Variants in STK39 observed in about 807,000 individuals in gnomAD.
STK39 encodes serine/threonine kinase 39, also known as STE20/SPS1-related proline-alanine-rich protein kinase.
Under a neutral mutation model 77.8 loss-of-function variants are expected in STK39, and 20 were observed. The ratio of observed to expected loss-of-function variants is 0.26; its 90% CI spans 0.18 to 0.37. STK39 has a LOEUF of 0.37. Ranked by LOEUF, STK39 falls within the 10% of genes least tolerant of loss-of-function variation. The pLI is 1.00. For synonymous variants in STK39, 246 were observed against 234.1 expected, an observed-to-expected ratio of 1.05 and a Z score of -0.47; for missense variants, 479 against 656.5, an observed-to-expected ratio of 0.73 and a Z score of 2.95.
At chr2:168,231,723 G>C (rs144214191) in intron 1 of STK39, among the ~76,000 whole-genome samples, 29 of 152,278 alleles carry the variant, frequency 1.9e-4, no homozygotes, top group Non-Finnish European at 3.5e-4. Flanking sequence ...CAGTGTGCCA[G>C]AGTGCTCTGT....
At chr2:168,097,745 A>T (rs568744811) in intron 10 of STK39, among the ~76,000 whole-genome samples, 2 of 152,068 alleles carry the variant, frequency 1.3e-5, no homozygotes, top group Non-Finnish European at 2.9e-5. Context: ...AAAACAAAAA[A>T]AAAAAAAAGA....
At chr2:168,077,219 A>G (rs937469916) in intron 10 of STK39, among the ~76,000 whole-genome samples, 47 of 152,250 alleles carry the variant, frequency 3.1e-4, no homozygotes, top group African/African-American at 1.1e-3. Flanking sequence ...TTCTTTAAGT[A>G]CTCACCCAAG....
rs559877979 is a variant in STK39, at chr2:167,959,418, C to T, written c.1564-3848G>A. 6.1e-4 allele frequency among the ~76,000 whole-genome samples: 93 copies of T among 152,174 alleles called. No individual in the cohort carries two copies. In the South Asian group the frequency reaches 0.019, roughly 31 times the overall value. On this transcript the variant is annotated intron_variant, in intron 17 of 17. Transcript: ENST00000355999. The stretch of plus-strand genomic sequence containing the variant: ...GGGATTACTGGCGTGAGCCACCGCG[C>T]CCGGCCATCAGCTTTTTGTTTTTTT...
chr2:168,192,752 A>G (rs1689372316), intron 1 of STK39, among the ~76,000 whole-genome samples: 1 of 152,234 alleles, frequency 6.6e-6, no homozygotes, highest in Non-Finnish European at 1.5e-5. Context: ...TCTAGCACTG[A>G]AGTGTTTAAG....
At chr2:168,218,789 T>G (rs1052245254) in intron 1 of STK39, among the ~76,000 whole-genome samples, 1 of 152,086 alleles carries the variant, frequency 6.6e-6, no homozygotes, top group Admixed American at 6.5e-5. Context: ...AAGCCTCAAT[T>G]AAACACAGAG....
intron 14 of STK39, among the ~76,000 whole-genome samples, chr2:168,061,770 C>T (rs1051236617): frequency 6.6e-6 from 1 of 152,166 alleles, no homozygotes; most frequent in Non-Finnish European, 1.5e-5. Context: ...ACATTCCTTG[C>T]AAATATACAA....
chr2:168,053,467 G>C (rs997393725), intron 14 of STK39, among the ~76,000 whole-genome samples: 2 of 152,240 alleles, frequency 1.3e-5, no homozygotes, highest in East Asian at 1.9e-4. Context: ...TTATTTCTGG[G>C]TGGTGAGATT....
At chr2:168,205,804 C>A (rs999506193) in intron 1 of STK39, among the ~76,000 whole-genome samples, 2 of 151,924 alleles carry the variant, frequency 1.3e-5, no homozygotes, top group African/African-American at 2.4e-5. Flanking sequence ...GATGGCAAGA[C>A]CCTGTCTCAA....
At chr2:168,211,992 G>A (rs1050704989) in intron 1 of STK39, among the ~76,000 whole-genome samples, 4 of 152,144 alleles carry the variant, frequency 2.6e-5, no homozygotes, top group Admixed American at 6.5e-5. Flanking sequence ...ATCATTATTC[G>A]TTTTAGTTCC....
chr2:168,167,679 A>AC (rs1320152535), intron 2 of STK39, among the ~76,000 whole-genome samples: 2 of 151,978 alleles, frequency 1.3e-5, no homozygotes, highest in Non-Finnish European at 2.9e-5. Flanking sequence ...CACCCAGATG[A>AC]CCCCCCAACT....
At chr2:168,181,157 G>A (rs1267895571) in intron 2 of STK39, among the ~76,000 whole-genome samples, 1 of 152,244 alleles carries the variant, frequency 6.6e-6, no homozygotes, top group East Asian at 1.9e-4. Flanking sequence ...GGATTAGTGT[G>A]GGGATAACCA....
rs545400762 is a variant in STK39, at chr2:168,213,751, G to A, written c.209-31661C>T. ...AACACCATGTGAAAAACTGCATAGA[G>A]CAGTTAACCTTGGGGGGAATGTTTA... On this transcript the variant is annotated intron_variant, in intron 1 of 17. Transcript: ENST00000355999. Among the ~76,000 whole-genome samples, 16 of 151,218 alleles carry A rather than the reference G, an allele frequency of 1.1e-4. 1 individual carries two copies. In the South Asian group the frequency reaches 3.3e-3, roughly 32 times the overall value.
At chr2:168,000,091 A>G (rs1206040357) in intron 16 of STK39, among the ~76,000 whole-genome samples, 1 of 152,250 alleles carries the variant, frequency 6.6e-6, no homozygotes, top group Non-Finnish European at 1.5e-5. Context: ...ATAATATCCC[A>G]GGGAAATACG....
At chr2:168,054,775 AAC>A (rs1220072247) in intron 14 of STK39, among the ~76,000 whole-genome samples, 1 of 66,872 alleles carries the variant, frequency 1.5e-5, no homozygotes, top group African/African-American at 5.4e-5. Flanking sequence ...TGTTGAAAAA[AAC>A]AAAAAAAAAA....
intron 2 of STK39, among the ~76,000 whole-genome samples, chr2:168,168,833 A>AT (rs753250343): frequency 1.3e-5 from 2 of 152,304 alleles, no homozygotes; most frequent in Admixed American, 6.5e-5. Flanking sequence ...CTACAAAAAA[A>AT]TTAGCTGAGT....
intron 3 of STK39, among the ~76,000 whole-genome samples, chr2:168,166,048 C>G (rs560863005): frequency 6.6e-6 from 1 of 152,146 alleles, no homozygotes. Context: ...GTCTGCAAAA[C>G]GAAGGTGTAA....
At chr2:168,117,791 T>C (rs563983078) in intron 10 of STK39, among the ~76,000 whole-genome samples, 1 of 152,190 alleles carries the variant, frequency 6.6e-6, no homozygotes, top group East Asian at 1.9e-4. Context: ...CCTGGAGACA[T>C]AGACCATGGG....
At chr2:168,225,947 A>C (rs1393602676) in intron 1 of STK39, among the ~76,000 whole-genome samples, 1 of 152,196 alleles carries the variant, frequency 6.6e-6, no homozygotes, top group Non-Finnish European at 1.5e-5. Flanking sequence ...TTTGGGATTA[A>C]GATTGGGAAA....
intron 17 of STK39, among the ~76,000 whole-genome samples, chr2:167,956,667 G>GACACACACACACACAC (rs762455680): frequency 0.058 from 2,785 of 47,622 alleles, 480 homozygotes; most frequent in Non-Finnish European, 0.067. Flanking sequence ...CTTGCTTTTA[G>GACACACACACACACAC]ACACACACAC....
Sources: allele counts gnomAD v4.1 joint callset (sites outside exome capture counted in the v4.1 genomes callset), GRCh38; gene constraint gnomAD v4.1.1; transcripts MANE v1.5; gene names NCBI Gene and HGNC (gene_info 2026-07-23, HGNC 2026-07-21).